Variants in FYCO1 observed in about 807,000 individuals in gnomAD.
FYCO1 encodes the protein FYVE and coiled-coil domain autophagy adaptor 1, also known as FYVE and coiled-coil domain-containing protein 1.
In FYCO1, 122 loss-of-function variants were observed where a neutral mutation model predicts 165.1. The observed-to-expected ratio is 0.74, with a 90% CI of 0.64 to 0.86. The LOEUF is 0.86. Among genes scored for constraint, FYCO1 ranks in the 40% least tolerant of loss-of-function variants. The pLI, the probability that FYCO1 is intolerant of heterozygous loss-of-function variation, is 0.00. For missense variants in FYCO1, 1,702 were observed against 1,810.3 expected (o/e 0.94, Z 1.09); for synonymous variants, 648 against 742.5 (o/e 0.87, Z 2.07).
chr3:45,981,507 G>T, intron 3 of FYCO1, 63 bp downstream of exon 3: 2 of 1,039,836 alleles, frequency 1.9e-6, no homozygotes, highest in Non-Finnish European at 1.5e-6. Flanking sequence ...ATGCTGATGA[G>T]TCACCCAAGA....
intron 1 of FYCO1, among the ~76,000 whole-genome samples, chr3:45,986,013 G>T (rs995183021): frequency 2.0e-5 from 3 of 152,218 alleles, no homozygotes; most frequent in Non-Finnish European, 4.4e-5. Context: ...GCTCTGTTAC[G>T]TGCTTTACAC....
chr3:45,985,113 AC>A lies in FYCO1; in HGVS notation c.-112-92del, dbSNP rs1707247708. On this transcript the variant is annotated intron_variant, in intron 1 of 17. Transcript: ENST00000296137. ...GAACTCTGCTCTGGGCACAAAGGTC[AC>A]CCTATCTGGGTGTATTCCCTCAACA... is the stretch of plus-strand genomic sequence containing the variant. The A allele has an allele frequency of 9.0e-6, 6 of 669,906 alleles. No homozygotes were observed. In the South Asian group the frequency reaches 9.7e-5, roughly 11 times the overall value. 41.5% of individuals were successfully genotyped at this position (669,906 alleles called of 1,614,324 possible).
In FYCO1 at chr3:45,964,390, G is replaced by A. The variant is rs148445016; in HGVS notation, c.3215C>T (p.Ala1072Val). ...CTCCTTGTCCTTCCTCAGCATGGCCGCCTGGCACTCTGCAAGATGGTTGCT... is the reference window on the plus strand; with the variant it reads ...CTCCTTGTCCTTCCTCAGCATGGCCACCTGGCACTCTGCAAGATGGTTGCT... Reference protein sequence around the residue: ...CTSNHLAECQAAMLRKDKEGA... With the variant: ...CTSNHLAECQVAMLRKDKEGA... Residue 1072 changes from alanine to valine, a missense_variant, in exon 10 of 18, where the codon GCG becomes GTG. Transcript: ENST00000296137. This position sits in a 1 kb window ranked among gnomAD's most constrained non-coding sequence, Gnocchi z 4.1. The A allele has an allele frequency of 1.1e-4, 178 of 1,614,034 alleles. 1 individual carries two copies. In the East Asian group the frequency reaches 3.5e-3, roughly 32 times the overall value.
intron 13 of FYCO1, among the ~76,000 whole-genome samples, chr3:45,956,838 C>G (rs1384647356): frequency 3.3e-5 from 5 of 152,120 alleles, no homozygotes; most frequent in Admixed American, 6.5e-5. Context: ...ACTAGAGATT[C>G]AATGCAATCT....
intron 16 of FYCO1, 21 bp downstream of exon 16, chr3:45,931,050 A>T: frequency 6.2e-7 from 1 of 1,609,600 alleles, no homozygotes; most frequent in East Asian, 2.2e-5. Context: ...AGGAGCCCAC[A>T]GGCAGGGAGC....
chr3:45,936,079 T>C (rs1056935958), intron 15 of FYCO1, among the ~76,000 whole-genome samples: 18 of 152,220 alleles, frequency 1.2e-4, no homozygotes, highest in Admixed American at 1.2e-3. Flanking sequence ...GTTTTGCTTA[T>C]CTCTATTTTC....
intron 14 of FYCO1, chr3:45,948,271 C>G (rs989403148): frequency 6.0e-6 from 1 of 166,770 alleles, no homozygotes; most frequent in African/African-American, 2.4e-5. Context: ...ATGTATATAC[C>G]CACACACATA....
chr3:45,977,424 T>A (rs1706830227), intron 4 of FYCO1, among the ~76,000 whole-genome samples: 1 of 123,566 alleles, frequency 8.1e-6, no homozygotes, highest in Non-Finnish European at 1.8e-5. Context: ...ACTATTTATT[T>A]TAAAAGGTAT....
intron 5 of FYCO1, among the ~76,000 whole-genome samples, chr3:45,973,594 T>A (rs769122874): frequency 3.9e-5 from 6 of 152,210 alleles, no homozygotes; most frequent in Non-Finnish European, 7.3e-5. Flanking sequence ...GAACTCAATA[T>A]GGGACACTAA....
intron 5 of FYCO1, 53 bp downstream of exon 5, chr3:45,975,186 T>A: frequency 5.2e-6 from 6 of 1,157,396 alleles, no homozygotes; most frequent in African/African-American, 1.5e-5. Context: ...TAATGAACTT[T>A]AGTTCATTTC....
At chr3:45,923,517 C>CA (rs1703183416) in intron 17 of FYCO1, 139 bp downstream of exon 17, 7 of 707,898 alleles carry the variant, frequency 9.9e-6, no homozygotes, top group Non-Finnish European at 2.6e-6. Flanking sequence ...TGGAACACCA[C>CA]AGGAGAGGGG....
At chr3:45,974,309 G>C (rs1003637829) in intron 5 of FYCO1, among the ~76,000 whole-genome samples, 9 of 152,194 alleles carry the variant, frequency 5.9e-5, no homozygotes, top group African/African-American at 1.7e-4. Flanking sequence ...GCAGCTTGAG[G>C]TTACAGTGTG....
chr3:45,961,787 T>C (rs776176563), intron 11 of FYCO1, among the ~76,000 whole-genome samples: 11 of 152,200 alleles, frequency 7.2e-5, no homozygotes, highest in Non-Finnish European at 1.2e-4. Flanking sequence ...GGAGGTGTAT[T>C]ACATGATTCC....
chr3:45,958,769 T>C, intron 12 of FYCO1, 150 bp from the exon 13 acceptor site: 2 of 753,962 alleles, frequency 2.7e-6, no homozygotes, highest in Non-Finnish European at 4.7e-6. Context: ...GCTCATTTCA[T>C]AAGATTCCAA....
At chr3:45,946,263 G>A in intron 14 of FYCO1, 2 of 524,148 alleles carry the variant, frequency 3.8e-6, no homozygotes, top group African/African-American at 1.9e-5. Context: ...CAGGCTAATG[G>A]AGAGTCCTCA....
intron 11 of FYCO1, among the ~76,000 whole-genome samples, chr3:45,960,022 TG>T (rs1210391599): frequency 6.6e-6 from 1 of 152,118 alleles, no homozygotes; most frequent in Admixed American, 6.5e-5. Context: ...TTTCCTAGTG[TG>T]AAAATCTGAT....
At chr3:45,957,037 C>T (rs1429169930) in intron 13 of FYCO1, among the ~76,000 whole-genome samples, 1 of 152,056 alleles carries the variant, frequency 6.6e-6, no homozygotes, top group Non-Finnish European at 1.5e-5. Flanking sequence ...AAAGAATAGG[C>T]ACATAGATAA....
intron 14 of FYCO1, among the ~76,000 whole-genome samples, chr3:45,954,709 G>T (rs911326427): frequency 2.6e-5 from 4 of 152,196 alleles, no homozygotes; most frequent in African/African-American, 9.7e-5. Context: ...TTAAGATGAT[G>T]CCGCTAGGGT....
At chr3:45,931,899 C>T (rs1269590673) in intron 15 of FYCO1, among the ~76,000 whole-genome samples, 1 of 152,156 alleles carries the variant, frequency 6.6e-6, no homozygotes, top group Non-Finnish European at 1.5e-5. Context: ...GGGAGAAAAG[C>T]TTGTTCTTAC....
Sources: gnomAD v4.1 joint callset for allele counts (sites outside exome capture counted in the v4.1 genomes callset) on GRCh38, gnomAD v4.1.1 for gene constraint, Gnocchi (gnomAD v3.1) non-coding constraint, MANE v1.5 for transcripts, NCBI Gene and HGNC (gene_info 2026-07-23, HGNC 2026-07-21) for gene names.